Variants in ERBB4 observed in about 807,000 individuals in gnomAD.
ERBB4 encodes the protein erb-b2 receptor tyrosine kinase 4, also known as receptor tyrosine-protein kinase erbB-4.
A neutral mutation model predicts 158.0 loss-of-function variants in ERBB4; 42 were observed. The observed-to-expected ratio is 0.27, with a 90% CI of 0.21 to 0.34. The LOEUF is 0.34. Ranked by LOEUF, ERBB4 falls within the 10% of genes least tolerant of loss-of-function variation. The pLI is 1.00. For missense variants in ERBB4, 1,333 were observed against 1,624.1 expected (o/e 0.82, Z 3.08); for synonymous variants, 583 against 558.7 (o/e 1.04, Z -0.61).
intron 5 of ERBB4, among the ~76,000 whole-genome samples, chr2:211,741,374 A>G (rs1203952049): frequency 1.3e-5 from 2 of 151,736 alleles, no homozygotes; most frequent in African/African-American, 4.8e-5. Context: ...TAGAATAGCT[A>G]TCTGCACAAC....
Position 211,404,119 on chromosome 2 carries a change from A to G in ERBB4, c.3136-16127T>C, listed in dbSNP as rs192792027. On this transcript the variant is annotated intron_variant, in intron 25 of 27. Transcript: ENST00000342788. ...ATTATCCTTTATCCTTACATCACTGATCCTCAATGTAACCTTTAGTGCCTT... is the reference window on the plus strand; with the variant it reads ...ATTATCCTTTATCCTTACATCACTGGTCCTCAATGTAACCTTTAGTGCCTT... Among the ~76,000 whole-genome samples, 845 of 152,174 alleles carry G rather than the reference A, an allele frequency of 5.6e-3. 9 individuals are homozygous for G. Among genetic ancestry groups the G allele is most frequent in the South Asian group, 0.021 (103 of 4,828 alleles).
At chr2:211,806,762 ACAAG>A (rs2076627167) in intron 3 of ERBB4, among the ~76,000 whole-genome samples, 1 of 152,198 alleles carries the variant, frequency 6.6e-6, no homozygotes, top group African/African-American at 2.4e-5. Context: ...TCAAGAAAAA[ACAAG>A]CAAACTGCAC....
At chr2:212,127,549 G>A (rs1227620978) in intron 1 of ERBB4, among the ~76,000 whole-genome samples, 1 of 152,062 alleles carries the variant, frequency 6.6e-6, no homozygotes, top group South Asian at 2.1e-4. Flanking sequence ...CCGAGATTGC[G>A]CCACTGCACT....
chr2:211,692,544 A>G (rs1367594295), intron 12 of ERBB4, among the ~76,000 whole-genome samples: 1 of 152,090 alleles, frequency 6.6e-6, no homozygotes, highest in Non-Finnish European at 1.5e-5. Flanking sequence ...TTGCTTCTGA[A>G]GTCTCCAGGA....
intron 3 of ERBB4, among the ~76,000 whole-genome samples, chr2:211,799,780 T>C (rs1353951836): frequency 6.6e-6 from 1 of 151,728 alleles, no homozygotes; most frequent in Non-Finnish European, 1.5e-5. Context: ...GATGTACTAT[T>C]ATTATTATTG....
At chr2:212,132,263 A>G (rs1048987978) in intron 1 of ERBB4, among the ~76,000 whole-genome samples, 3 of 152,114 alleles carry the variant, frequency 2.0e-5, no homozygotes, top group Non-Finnish European at 4.4e-5. Context: ...TTAATTGGAG[A>G]TTAAGTACAG....
chr2:211,393,783 G>GTGTGTGTATT, intron 25 of ERBB4, among the ~76,000 whole-genome samples: 1 of 125,156 alleles, frequency 8.0e-6, no homozygotes, highest in Non-Finnish European at 1.7e-5. Flanking sequence ...GTGTGTGTGT[G>GTGTGTGTATT]TATTTTTCCA....
At chr2:211,801,715 G>A (rs1217325584) in intron 3 of ERBB4, among the ~76,000 whole-genome samples, 1 of 152,146 alleles carries the variant, frequency 6.6e-6, no homozygotes, top group Non-Finnish European at 1.5e-5. Flanking sequence ...GAAGTTTCAT[G>A]AAACTAAACA....
In ERBB4 at chr2:211,682,085, C is replaced by CACACACAT. The variant is rs59564874; in HGVS notation, c.1490-2902_1490-2901insATGTGTGT. Among the ~76,000 whole-genome samples, 328 of 149,830 alleles carry CACACACAT rather than the reference C, an allele frequency of 2.2e-3. 1 individual carries two copies. The highest frequency in any genetic ancestry group is 4.5e-3 in the East Asian group (23 of 5,070). Reference sequence around the variant, plus strand: ...ACACACACACACACACACACACACACACACACAATTGGCTCACACAAGCAG... The same window carrying CACACACAT: ...ACACACACACACACACACACACACACACACACATACACACAATTGGCTCACACAAGCAG... On this transcript the variant is annotated intron_variant, in intron 12 of 27. Transcript: ENST00000342788.
chr2:211,690,831 C>T (rs76265025), intron 12 of ERBB4, among the ~76,000 whole-genome samples: 5,894 of 152,244 alleles, frequency 0.039, 364 homozygotes, highest in African/African-American at 0.13. Context: ...TTATAAATCT[C>T]TCTAAAGAAA....
intron 25 of ERBB4, among the ~76,000 whole-genome samples, chr2:211,402,897 C>T (rs1219751589): frequency 6.6e-6 from 1 of 152,040 alleles, no homozygotes; most frequent in African/African-American, 2.4e-5. Flanking sequence ...TAATTCCTGA[C>T]AGCCGTTCCT....
At chr2:212,148,295 A>G (rs1313273128) in intron 1 of ERBB4, among the ~76,000 whole-genome samples, 3 of 152,172 alleles carry the variant, frequency 2.0e-5, no homozygotes, top group African/African-American at 4.8e-5. Context: ...GTATCTACAA[A>G]GAGGAATATA....
chr2:211,472,530 GA>G (rs527985325), intron 20 of ERBB4, among the ~76,000 whole-genome samples: 1 of 146,754 alleles, frequency 6.8e-6, no homozygotes, highest in Non-Finnish European at 1.5e-5. Context: ...TTCTCCTTCA[GA>G]AAAAAAAACA....
chr2:211,517,499 A>C (rs1574654301), intron 20 of ERBB4, among the ~76,000 whole-genome samples: 1 of 152,262 alleles, frequency 6.6e-6, no homozygotes, highest in East Asian at 1.9e-4. Context: ...GCAGTGTTAC[A>C]AACTAAAAAA....
intron 16 of ERBB4, among the ~76,000 whole-genome samples, chr2:211,646,329 G>T (rs1215783352): frequency 1.3e-5 from 2 of 150,848 alleles, no homozygotes; most frequent in Admixed American, 6.6e-5. Flanking sequence ...CAGAAAGAGG[G>T]AAAAAAGAAA....
At chr2:211,640,159 T>C (rs1249930915) in intron 16 of ERBB4, among the ~76,000 whole-genome samples, 1 of 152,184 alleles carries the variant, frequency 6.6e-6, no homozygotes, top group East Asian at 1.9e-4. Flanking sequence ...GAAAGAAGAT[T>C]TTTTTAAAAA....
chr2:212,106,456 C>G (rs766111913), intron 2 of ERBB4, among the ~76,000 whole-genome samples: 7 of 152,190 alleles, frequency 4.6e-5, no homozygotes, highest in Non-Finnish European at 7.3e-5. Flanking sequence ...GCAAAGCATT[C>G]AACAGGTGAC....
Position 211,987,979 on chromosome 2 carries a change from A to T in ERBB4, c.235-40363T>A, listed in dbSNP as rs80153874. Among the ~76,000 whole-genome samples the T allele has an allele frequency of 2.2e-4, 34 of 152,266 alleles. No homozygotes were observed. The East Asian group carries it at 6.6e-3, about 29-fold the overall frequency. ...ACCTTTCTGTGACTTCATTTTTCTC[A>T]AGTGACATTACAAATTTCTGGTATT... On this transcript the variant is annotated intron_variant, in intron 2 of 27. Transcript: ENST00000342788.
At chr2:212,167,830 A>G (rs560819669) in intron 1 of ERBB4, among the ~76,000 whole-genome samples, 1 of 152,190 alleles carries the variant, frequency 6.6e-6, no homozygotes, top group East Asian at 1.9e-4. Context: ...TCAGCAAACT[A>G]ATACAGGAAC....
Sources: allele counts gnomAD v4.1 joint callset (sites outside exome capture counted in the v4.1 genomes callset), GRCh38; gene constraint gnomAD v4.1.1; transcripts MANE v1.5; gene names NCBI Gene and HGNC (gene_info 2026-07-23, HGNC 2026-07-21).